The following RAB38 variants were observed in gnomAD, a reference collection of about 807,000 sequenced individuals.
The protein encoded by RAB38 is RAB38, member RAS oncogene family, also known as ras-related protein Rab-38.
RAB38 carries 15 observed loss-of-function variants against 18.4 expected under a neutral mutation model. The observed-to-expected ratio is 0.82, with a 90% CI of 0.55 to 1.26. The LOEUF is 1.26. Ranked by LOEUF, RAB38 falls within the 50% of genes most tolerant of loss-of-function variation. The pLI, the probability that RAB38 is intolerant of heterozygous loss-of-function variation, is 0.00. For synonymous variants in RAB38, 101 were observed against 104.4 expected, an observed-to-expected ratio of 0.97 and a Z score of 0.20; for missense variants, 294 against 267.4, an observed-to-expected ratio of 1.10 and a Z score of -0.69.
the RAB38 span, among the ~76,000 whole-genome samples, chr11:88,080,251 G>A: frequency 5.3e-5 from 8 of 151,646 alleles, no homozygotes; most frequent in South Asian, 2.1e-4. Context: ...TTATTCATTC[G>A]CTAGCTACAC....
At chr11:87,881,457 A>G in the RAB38 span, among the ~76,000 whole-genome samples, 3 of 151,734 alleles carry the variant, frequency 2.0e-5, no homozygotes, top group Non-Finnish European at 4.4e-5. Flanking sequence ...ATTTTTACCC[A>G]TATCTTCTGG....
the RAB38 span, among the ~76,000 whole-genome samples, chr11:87,961,775 T>C: frequency 6.6e-6 from 1 of 152,162 alleles, no homozygotes; most frequent in Admixed American, 6.6e-5. Flanking sequence ...TACTACACTC[T>C]TGGGAATTGT....
the RAB38 span, among the ~76,000 whole-genome samples, chr11:87,944,418 G>A: frequency 6.6e-6 from 1 of 152,258 alleles, no homozygotes; most frequent in Admixed American, 6.5e-5. Context: ...TTGGTCTGTG[G>A]TCATTGTCTC....
the RAB38 span, among the ~76,000 whole-genome samples, chr11:87,822,153 GAAAA>G: frequency 6.9e-6 from 1 of 144,914 alleles, no homozygotes; most frequent in Admixed American, 6.9e-5. Context: ...AAAAGTGTAA[GAAAA>G]AAAAAATGTC....
At chr11:87,965,663 A>G in the RAB38 span, among the ~76,000 whole-genome samples, 2 of 152,160 alleles carry the variant, frequency 1.3e-5, no homozygotes, top group African/African-American at 4.8e-5. Flanking sequence ...TAGATGGTGA[A>G]ATGTGGTTTG....
At chr11:87,826,360 A>G in the RAB38 span, among the ~76,000 whole-genome samples, 1 of 143,238 alleles carries the variant, frequency 7.0e-6, no homozygotes, top group Non-Finnish European at 1.5e-5. Flanking sequence ...AAGGTGCCAA[A>G]AGAAAATATT....
chr11:88,124,569 A>T (rs747174883), intron 2 of RAB38, among the ~76,000 whole-genome samples: 1 of 152,148 alleles, frequency 6.6e-6, no homozygotes, highest in Non-Finnish European at 1.5e-5. Context: ...TAACTACCAA[A>T]ATTCTGGCCT....
chr11:88,056,720 C>G, the RAB38 span, among the ~76,000 whole-genome samples: 1 of 152,012 alleles, frequency 6.6e-6, no homozygotes, highest in Non-Finnish European at 1.5e-5. Flanking sequence ...AGGAGAATGG[C>G]GTGAACATGG....
At chr11:88,149,243 G>A (rs979881985) in intron 2 of RAB38, among the ~76,000 whole-genome samples, 6 of 152,136 alleles carry the variant, frequency 3.9e-5, no homozygotes, top group African/African-American at 1.2e-4. Flanking sequence ...TTTCCTAGGA[G>A]GAAGCACAAT....
At chr11:87,967,019 G>A in the RAB38 span, among the ~76,000 whole-genome samples, 1 of 152,218 alleles carries the variant, frequency 6.6e-6, no homozygotes, top group Non-Finnish European at 1.5e-5. Context: ...AGCCAGGCAT[G>A]GATAATCCCT....
chr11:88,054,833 G>A, the RAB38 span, among the ~76,000 whole-genome samples: 9 of 152,142 alleles, frequency 5.9e-5, no homozygotes, highest in East Asian at 1.9e-4. Context: ...ATTGCACAGC[G>A]TTATCAGGAG....
chr11:88,010,094 T>G, the RAB38 span, among the ~76,000 whole-genome samples: 1 of 152,206 alleles, frequency 6.6e-6, no homozygotes. Context: ...TAAGGTTAGG[T>G]GTGAAATTAT....
At chr11:87,807,168 T>G in the RAB38 span, among the ~76,000 whole-genome samples, 1 of 152,132 alleles carries the variant, frequency 6.6e-6, no homozygotes, top group Admixed American at 6.5e-5. Context: ...CCCAAGACCA[T>G]CCCCCACAAA....
the RAB38 span, among the ~76,000 whole-genome samples, chr11:87,840,433 C>T: frequency 6.9e-3 from 1,054 of 152,286 alleles, 7 homozygotes; most frequent in Middle Eastern, 0.024. Flanking sequence ...GCTAAGTGAT[C>T]ATTCAAGAAA....
At chr11:88,030,231 G>A in the RAB38 span, among the ~76,000 whole-genome samples, 675 of 152,332 alleles carry the variant, frequency 4.4e-3, 2 homozygotes, top group African/African-American at 0.015. Flanking sequence ...TTAAGGCAGT[G>A]TGTAGAGAGA....
At chr11:88,168,689 A>G (rs574000317) in intron 1 of RAB38, among the ~76,000 whole-genome samples, 1 of 152,258 alleles carries the variant, frequency 6.6e-6, no homozygotes, top group African/African-American at 2.4e-5. Context: ...AAATGCAGTA[A>G]AATAAAACAA....
At chr11:88,129,788 A>G (rs955259431) in intron 2 of RAB38, among the ~76,000 whole-genome samples, 4 of 152,240 alleles carry the variant, frequency 2.6e-5, no homozygotes, top group Admixed American at 1.3e-4. Flanking sequence ...TTCTTATTGA[A>G]TGAAACAGAA....
the RAB38 span, among the ~76,000 whole-genome samples, chr11:87,848,625 A>T: frequency 2.0e-5 from 3 of 152,240 alleles, no homozygotes; most frequent in Non-Finnish European, 2.9e-5. Context: ...AAATTTAAAG[A>T]TGTCTTTCTT....
At chr11:87,810,959 T>A in the RAB38 span, among the ~76,000 whole-genome samples, 1 of 152,146 alleles carries the variant, frequency 6.6e-6, no homozygotes, top group South Asian at 2.1e-4. Flanking sequence ...TGGAAGTTTA[T>A]TTTAAAAAGG....
Sources: allele counts gnomAD v4.1 joint callset (sites outside exome capture counted in the v4.1 genomes callset), GRCh38; gene constraint gnomAD v4.1.1; transcripts MANE v1.5; gene names NCBI Gene and HGNC (gene_info 2026-07-23, HGNC 2026-07-21).